The following CCDC7 variants were observed in gnomAD, a reference collection of about 807,000 sequenced individuals.
CCDC7 encodes coiled-coil domain containing 7, also known as coiled-coil domain-containing protein 7.
In CCDC7, 183 loss-of-function variants were observed where a neutral mutation model predicts 196.9. That is an observed-to-expected ratio of 0.93 (90% confidence interval 0.82 to 1.05). The LOEUF (loss-of-function observed/expected upper bound fraction) is 1.05. CCDC7 is among the 50% of genes least tolerant of loss of function. CCDC7 has a pLI of 0.00. For synonymous variants in CCDC7, 525 were observed against 484.6 expected, an observed-to-expected ratio of 1.08 and a Z score of -1.10; for missense variants, 1,540 against 1,482.2, an observed-to-expected ratio of 1.04 and a Z score of -0.64.
At chr10:32,621,562 T>C (rs191359944) in intron 18 of CCDC7, among the ~76,000 whole-genome samples, 62 of 152,286 alleles carry the variant, frequency 4.1e-4, no homozygotes, top group Non-Finnish European at 7.8e-4. Flanking sequence ...TCCCATGATA[T>C]GCCATCTGGG....
intron 13 of CCDC7, among the ~76,000 whole-genome samples, chr10:32,560,995 C>CA (rs202106078): frequency 0.015 from 2,267 of 149,272 alleles, 24 homozygotes; most frequent in Non-Finnish European, 0.021. Flanking sequence ...AAATGCAAAA[C>CA]AAAAAAAAAG....
intron 9 of CCDC7, among the ~76,000 whole-genome samples, chr10:32,506,386 A>T (rs1329523719): frequency 2.0e-5 from 3 of 151,586 alleles, no homozygotes; most frequent in Non-Finnish European, 2.9e-5. Flanking sequence ...AGCCGGGCAG[A>T]GGGGCTCCTC....
chr10:32,451,689 A>T (rs1188068214), exon 1 of CCDC7: 1 of 1,612,660 alleles, frequency 6.2e-7, no homozygotes, highest in South Asian at 1.1e-5. Flanking sequence ...AAATCGGCAA[A>T]TGTTCCAGCA....
exon 39 of CCDC7, chr10:32,848,708 T>C (rs1352228737): frequency 6.5e-7 from 1 of 1,544,184 alleles, no homozygotes; most frequent in Non-Finnish European, 9.0e-7. Context: ...TATCACCCTT[T>C]GAAAATAAAG....
rs532531816 is a variant in CCDC7, at chr10:32,707,931, A to T, written c.2459-3689A>T. Among the ~76,000 whole-genome samples, 132 of 152,314 alleles carry T rather than the reference A, an allele frequency of 8.7e-4. 1 individual carries two copies. The highest frequency in any genetic ancestry group is 2.9e-3 in the African/African-American group (120 of 41,574). ...TTATAGATTCAATGCCATCCCCATC[A>T]AGCTACCAATGACTTTCTTCACAGA... On this transcript the variant is annotated intron_variant, in intron 24 of 41. Transcript: ENST00000639629.
chr10:32,702,080 C>T (rs2078849800), intron 24 of CCDC7, among the ~76,000 whole-genome samples: 1 of 151,962 alleles, frequency 6.6e-6, no homozygotes, highest in South Asian at 2.1e-4. Context: ...TGTGTTTGCT[C>T]TTGCTTTTCT....
Position 32,712,216 on chromosome 10 carries a change from G to A in CCDC7, c.2569+486G>A, listed in dbSNP as rs1170440099. ...GTGGTCTTTATGGTAACCTGATAGA[G>A]GATGCTGTCTGATCTCTGTGGCTTG... On this transcript the variant is annotated intron_variant, in intron 25 of 41. Transcript: ENST00000639629. 2.0e-5 allele frequency among the ~76,000 whole-genome samples: 3 copies of A among 152,206 alleles called. No homozygotes were observed. The East Asian group carries it at 5.8e-4, about 29-fold the overall frequency.
chr10:32,551,041 T>G (rs1184651415), intron 13 of CCDC7, among the ~76,000 whole-genome samples: 1 of 152,104 alleles, frequency 6.6e-6, no homozygotes, highest in Non-Finnish European at 1.5e-5. Flanking sequence ...CCCTTTTTTT[T>G]GTTGGTAATT....
At chr10:32,828,238 T>C (rs1331612127) in intron 32 of CCDC7, among the ~76,000 whole-genome samples, 2 of 152,104 alleles carry the variant, frequency 1.3e-5, no homozygotes, top group African/African-American at 4.8e-5. Context: ...TATTGATTTA[T>C]GTCTTTGCTT....
chr10:32,820,997 A>T (rs546944530), intron 31 of CCDC7, among the ~76,000 whole-genome samples: 1 of 152,326 alleles, frequency 6.6e-6, no homozygotes, highest in South Asian at 2.1e-4. Context: ...GCTTCTGCAC[A>T]GCAAAGGAAA....
intron 28 of CCDC7, among the ~76,000 whole-genome samples, chr10:32,768,933 G>T (rs1218734587): frequency 6.6e-6 from 1 of 152,060 alleles, no homozygotes; most frequent in Admixed American, 6.6e-5. Context: ...TTTTGTTGAA[G>T]ATTTTTTCAA....
chr10:32,664,243 A>G (rs1460339130), intron 21 of CCDC7, 82 bp downstream of exon 22: 5 of 378,022 alleles, frequency 1.3e-5, no homozygotes, highest in Non-Finnish European at 2.3e-5. Flanking sequence ...TACATTCATC[A>G]TGTACTACAT....
chr10:32,656,505 G>A (rs1433785320), intron 20 of CCDC7, among the ~76,000 whole-genome samples: 2 of 152,146 alleles, frequency 1.3e-5, no homozygotes, highest in East Asian at 1.9e-4. Flanking sequence ...TCTTCACAAG[G>A]CAGCAGGAGA....
At chr10:32,605,118 C>A (rs2061436386) in intron 18 of CCDC7, among the ~76,000 whole-genome samples, 1 of 152,008 alleles carries the variant, frequency 6.6e-6, no homozygotes, top group African/African-American at 2.4e-5. Flanking sequence ...TGACACCTCC[C>A]CCACTCATTA....
intron 13 of CCDC7, among the ~76,000 whole-genome samples, chr10:32,545,250 C>G (rs1459165380): frequency 6.6e-6 from 1 of 152,096 alleles, no homozygotes; most frequent in Non-Finnish European, 1.5e-5. Flanking sequence ...ACAATGTAAC[C>G]TAAAAGGGAG....
intron 20 of CCDC7, among the ~76,000 whole-genome samples, chr10:32,655,009 A>G (rs2069519196): frequency 1.3e-5 from 2 of 152,206 alleles, no homozygotes; most frequent in Non-Finnish European, 1.5e-5. Context: ...GGTGAGGGAT[A>G]TTCTGGACAA....
intron 9 of CCDC7, among the ~76,000 whole-genome samples, chr10:32,493,693 A>C (rs896135117): frequency 6.6e-6 from 1 of 152,042 alleles, no homozygotes; most frequent in Middle Eastern, 3.2e-3. Context: ...CAGTCTTGCC[A>C]GTACTTAAAT....
chr10:32,555,887 CTGGGACATCTGGGACAGG>C (rs1307082896), intron 13 of CCDC7, among the ~76,000 whole-genome samples: 1 of 152,178 alleles, frequency 6.6e-6, no homozygotes, highest in African/African-American at 2.4e-5. Context: ...GACGTTCCAG[CTGGGACATCTGGGACAGG>C]TGGGACTTCT....
At chr10:32,465,220 G>A (rs1386852440) in intron 5 of CCDC7, among the ~76,000 whole-genome samples, 2 of 151,716 alleles carry the variant, frequency 1.3e-5, no homozygotes, top group Admixed American at 6.6e-5. Context: ...AAAACAGTTA[G>A]AGTTGTTAAT....
Sources: allele counts gnomAD v4.1 joint callset (sites outside exome capture counted in the v4.1 genomes callset), GRCh38; gene constraint gnomAD v4.1.1; transcripts MANE v1.5; gene names NCBI Gene and HGNC (gene_info 2026-07-23, HGNC 2026-07-21).